WASHC2C: variants seen among roughly 807,000 people sequenced by gnomAD.
WASHC2C encodes Vaccinia Penetration Factor.
A neutral mutation model predicts 142.2 loss-of-function variants in WASHC2C; 73 were observed. The observed-to-expected ratio is 0.51, with a 90% CI of 0.43 to 0.62. The LOEUF is 0.62. Ranked by LOEUF, WASHC2C falls within the 20% of genes least tolerant of loss-of-function variation. The probability of loss-of-function intolerance (pLI) is 0.00; values close to 1 mark genes in which losing one functional copy is unlikely to be tolerated. For missense variants in WASHC2C, 969 were observed against 1,531.7 expected (o/e 0.63, Z 6.13); for synonymous variants, 337 against 565.5 (o/e 0.60, Z 5.73).
At chr10:45,739,358 G>GA (rs2051691338) in intron 4 of WASHC2C, among the ~76,000 whole-genome samples, 1 of 149,332 alleles carries the variant, frequency 6.7e-6, no homozygotes, top group Admixed American at 6.7e-5. Context: ...AATATTTGTA[G>GA]AGGGGGAAAT....
chr10:45,756,450 T>G (rs2054304221), intron 15 of WASHC2C, among the ~76,000 whole-genome samples: 1 of 152,220 alleles, frequency 6.6e-6, no homozygotes, highest in Admixed American at 6.5e-5. Flanking sequence ...TCAAATTATC[T>G]TCTTATTTAT....
At chr10:45,784,377 G>A (rs1441719678) in intron 23 of WASHC2C, among the ~76,000 whole-genome samples, 188 bp from the exon 24 acceptor site, 1 of 140,234 alleles carries the variant, frequency 7.1e-6, no homozygotes, top group Non-Finnish European at 1.5e-5. Context: ...ATTTTTGGAA[G>A]CGCCATAGCA....
At position 45,790,487 on chromosome 10, in the gene WASHC2C, G is replaced by A. The variant is rs1322741559; in HGVS notation, c.3840G>A (p.Lys1280=). Residue 1280 remains lysine (K), a synonymous_variant, in exon 30 of 31, where the codon AAG becomes AAA. Transcript: ENST00000623400. ...FADLTVKPKE[K]SKKKVEAKSI... is the part of the protein sequence containing the mutation. ...ACTTAACTGTAAAACCAAAAGAAAAGTCCAAAAAGAAAGTGGAAGCCAAGT... is the reference window on the plus strand; with the variant it reads ...ACTTAACTGTAAAACCAAAAGAAAAATCCAAAAAGAAAGTGGAAGCCAAGT... 1 of 1,611,004 alleles carries A rather than the reference G, an allele frequency of 6.2e-7. No individual in the cohort carries two copies. Among genetic ancestry groups the A allele is most frequent in the African/African-American group, 1.3e-5 (1 of 74,704 alleles).
chr10:45,742,180 G>A (rs2052159488), intron 5 of WASHC2C, among the ~76,000 whole-genome samples: 1 of 152,164 alleles, frequency 6.6e-6, no homozygotes, highest in Non-Finnish European at 1.5e-5. Context: ...TGTGCTGTTG[G>A]GGCCACAGTC....
intron 23 of WASHC2C, among the ~76,000 whole-genome samples, chr10:45,781,357 G>C (rs1467699932): frequency 5.9e-5 from 9 of 152,130 alleles, no homozygotes; most frequent in Non-Finnish European, 1.2e-4. Context: ...AAATGGACAA[G>C]CTGATCCTAA....
chr10:45,733,785 C>T (rs1294146386), intron 3 of WASHC2C, among the ~76,000 whole-genome samples: 2 of 151,992 alleles, frequency 1.3e-5, no homozygotes, highest in Admixed American at 6.5e-5. Flanking sequence ...TTGAAAATTA[C>T]CAAAGTAATC....
intron 3 of WASHC2C, among the ~76,000 whole-genome samples, chr10:45,730,033 A>T (rs1225294970): frequency 2.2e-4 from 32 of 145,590 alleles, no homozygotes; most frequent in African/African-American, 7.1e-4. Context: ...GCAAAGGAGT[A>T]CTTATGAGTT....
intron 3 of WASHC2C, among the ~76,000 whole-genome samples, chr10:45,736,663 A>T (rs544448559): frequency 6.6e-6 from 1 of 152,126 alleles, no homozygotes. Flanking sequence ...GTGTTAGCTT[A>T]TATTTGTGTT....
intron 16 of WASHC2C, among the ~76,000 whole-genome samples, chr10:45,758,071 T>C (rs1474541668): frequency 2.6e-5 from 4 of 152,264 alleles, no homozygotes; most frequent in African/African-American, 4.8e-5. Flanking sequence ...CACATCTTTT[T>C]TTTTTTAATA....
chr10:45,740,743 G>A (rs1468943065), intron 5 of WASHC2C, among the ~76,000 whole-genome samples: 1 of 152,246 alleles, frequency 6.6e-6, no homozygotes, highest in East Asian at 1.9e-4. Flanking sequence ...AAATACAAAT[G>A]AAGCTGCTGT....
In WASHC2C at chr10:45,752,635, T is replaced by C; in HGVS notation, c.1051T>C (p.Phe351Leu). The change falls in exon 12 of 31, where the codon TTC (phenylalanine) becomes CTC (leucine). Residue 351 changes from phenylalanine (F) to leucine (L), a missense_variant. Transcript: ENST00000623400. Reference sequence around the variant, plus strand: ...ACCCCCCAAGCTGACCGACGAGGACTTCTCGCCATTTGGCTCTGGAGGTGG... The same window carrying C: ...ACCCCCCAAGCTGACCGACGAGGACCTCTCGCCATTTGGCTCTGGAGGTGG... ...FAPPKLTDED[F>L]SPFGSGGGLF... 6.2e-7 allele frequency: 1 copy of C among 1,609,920 alleles called. No individual in the cohort carries two copies. The highest frequency in any genetic ancestry group is 1.7e-5 in the Admixed American group (1 of 59,932).
intron 16 of WASHC2C, among the ~76,000 whole-genome samples, chr10:45,757,891 A>G: frequency 6.6e-6 from 1 of 152,246 alleles, no homozygotes; most frequent in Non-Finnish European, 1.5e-5. Context: ...CCCGGCTTCT[A>G]ACAGGCCATG....
chr10:45,788,125 G>T (rs1187760834), intron 28 of WASHC2C, among the ~76,000 whole-genome samples: 4 of 151,994 alleles, frequency 2.6e-5, no homozygotes, highest in Non-Finnish European at 4.4e-5. Context: ...TTTTTATTAA[G>T]TTTAAATTGG....
chr10:45,777,063 T>C (rs1304316644), intron 21 of WASHC2C, among the ~76,000 whole-genome samples: 6 of 151,862 alleles, frequency 4.0e-5, no homozygotes, highest in Non-Finnish European at 7.4e-5. Flanking sequence ...ACAGGTGATA[T>C]GGTGGCGTGA....
At chr10:45,734,096 G>T (rs560623866) in intron 3 of WASHC2C, among the ~76,000 whole-genome samples, 177 of 152,148 alleles carry the variant, frequency 1.2e-3, no homozygotes, top group African/African-American at 4.1e-3. Flanking sequence ...GTGGTGGCAG[G>T]CGCCTGTAGT....
At chr10:45,785,678 T>G in intron 26 of WASHC2C, 47 bp downstream of exon 26, 1 of 1,611,588 alleles carries the variant, frequency 6.2e-7, no homozygotes, top group Non-Finnish European at 8.5e-7. Context: ...TGCATCCCAG[T>G]ACAGAGAAAT....
At chr10:45,768,854 C>T (rs2056251966) in intron 19 of WASHC2C, among the ~76,000 whole-genome samples, 1 of 151,272 alleles carries the variant, frequency 6.6e-6, no homozygotes, top group Non-Finnish European at 1.5e-5. Context: ...TGTTGATTCC[C>T]TGAAATAGAC....
At chr10:45,734,232 T>A (rs2050940740) in intron 3 of WASHC2C, among the ~76,000 whole-genome samples, 2 of 151,582 alleles carry the variant, frequency 1.3e-5, no homozygotes, top group East Asian at 1.9e-4. Flanking sequence ...CTCAAAAAAA[T>A]AATAATAAAT....
intron 19 of WASHC2C, among the ~76,000 whole-genome samples, chr10:45,766,051 A>G (rs2055760032): frequency 6.6e-6 from 1 of 152,348 alleles, no homozygotes; most frequent in East Asian, 1.9e-4. Context: ...GCTCCTTCAA[A>G]TGAGTTAGGC....
Sources: allele counts gnomAD v4.1 joint callset (sites outside exome capture counted in the v4.1 genomes callset), GRCh38; gene constraint gnomAD v4.1.1; transcripts MANE v1.5; gene names NCBI Gene and HGNC (gene_info 2026-07-23, HGNC 2026-07-21).